The following ASPRV1 variants were observed in gnomAD, a reference collection of about 807,000 sequenced individuals.
ASPRV1 encodes the protein aspartic peptidase retroviral like 1.
In ASPRV1, 7 loss-of-function variants were observed where a neutral mutation model predicts 11.0. That is an observed-to-expected ratio of 0.64 (90% CI 0.36 to 1.20). ASPRV1 has a LOEUF of 1.20. ASPRV1 is among the 50% of genes most tolerant of loss of function. The probability of loss-of-function intolerance (pLI) is 0.02; values close to 1 mark genes in which losing one functional copy is unlikely to be tolerated. For missense variants in ASPRV1, 299 were observed against 320.0 expected, an observed-to-expected ratio of 0.93 and a Z score of 0.50; for synonymous variants, 136 against 138.4, an observed-to-expected ratio of 0.98 and a Z score of 0.12.
the ASPRV1 span, among the ~76,000 whole-genome samples, chr2:69,989,174 T>C: frequency 6.6e-6 from 1 of 152,222 alleles, no homozygotes; most frequent in Non-Finnish European, 1.5e-5. Flanking sequence ...TTTTCAGATT[T>C]CTGGCTCCAT....
At chr2:69,945,275 T>C in the ASPRV1 span, among the ~76,000 whole-genome samples, 1 of 152,206 alleles carries the variant, frequency 6.6e-6, no homozygotes, top group Non-Finnish European at 1.5e-5. Context: ...CCTCGTAATC[T>C]GCACATGCAC....
chr2:70,019,727 T>C, the ASPRV1 span, among the ~76,000 whole-genome samples: 10 of 151,874 alleles, frequency 6.6e-5, no homozygotes, highest in African/African-American at 1.9e-4. Flanking sequence ...CTCATAGAAA[T>C]AGAGAGTAAA....
At chr2:70,048,347 A>G in the ASPRV1 span, among the ~76,000 whole-genome samples, 1 of 151,912 alleles carries the variant, frequency 6.6e-6, no homozygotes, top group Non-Finnish European at 1.5e-5. Context: ...CCCAGGAAGC[A>G]AAGGTTGCAG....
the ASPRV1 span, among the ~76,000 whole-genome samples, chr2:70,000,788 C>CA: frequency 0.023 from 987 of 42,014 alleles, 118 homozygotes; most frequent in Admixed American, 0.15. Context: ...GACCCTGCCT[C>CA]AAAAAAAAAA....
the ASPRV1 span, among the ~76,000 whole-genome samples, chr2:69,935,626 G>A: frequency 3.9e-5 from 6 of 152,110 alleles, no homozygotes; most frequent in African/African-American, 1.2e-4. Context: ...CCAACTGAGT[G>A]TTTCTCACTC....
chr2:70,055,128 C>A, the ASPRV1 span, among the ~76,000 whole-genome samples: 1 of 152,052 alleles, frequency 6.6e-6, no homozygotes, highest in Non-Finnish European at 1.5e-5. Flanking sequence ...CGTGGTGAAA[C>A]CCTGTCTCTA....
chr2:69,937,994 G>A, the ASPRV1 span: 61 of 1,073,746 alleles, frequency 5.7e-5, no homozygotes, highest in East Asian at 1.1e-3. Flanking sequence ...TGATCCACCC[G>A]CCTTTGCCTC....
At chr2:70,078,622 C>T in the ASPRV1 span, among the ~76,000 whole-genome samples, 1 of 152,320 alleles carries the variant, frequency 6.6e-6, no homozygotes, top group East Asian at 1.9e-4. Flanking sequence ...GCCTGGCATG[C>T]TGGAGCAACT....
the ASPRV1 span, chr2:70,046,444 C>T: frequency 3.3e-5 from 5 of 152,168 alleles, no homozygotes; most frequent in African/African-American, 7.2e-5. Context: ...TCTAGGCTTC[C>T]CACATACAGG....
the ASPRV1 span, among the ~76,000 whole-genome samples, chr2:70,035,208 G>A: frequency 2.6e-5 from 4 of 152,146 alleles, no homozygotes; most frequent in Non-Finnish European, 4.4e-5. Context: ...CCACCTCCAT[G>A]AGCCTCCTCA....
chr2:70,086,420 G>A, the ASPRV1 span: 1 of 152,292 alleles, frequency 6.6e-6, no homozygotes, highest in African/African-American at 2.4e-5. Context: ...GGAAAAGGCA[G>A]AAATCACAAC....
chr2:70,060,687 A>G, the ASPRV1 span, among the ~76,000 whole-genome samples: 3 of 152,164 alleles, frequency 2.0e-5, no homozygotes, highest in African/African-American at 7.2e-5. Flanking sequence ...GTGGTGGCAC[A>G]TGCCTGTAAT....
the ASPRV1 span, among the ~76,000 whole-genome samples, chr2:70,006,464 A>G: frequency 1.3e-5 from 2 of 152,130 alleles, no homozygotes; most frequent in African/African-American, 4.8e-5. Flanking sequence ...GGTGGCTTCT[A>G]GCTGGGAGGT....
the ASPRV1 span, among the ~76,000 whole-genome samples, chr2:69,978,689 A>T: frequency 6.6e-6 from 1 of 152,170 alleles, no homozygotes; most frequent in Admixed American, 6.5e-5. Flanking sequence ...CTGGTGAGGC[A>T]GTGACTGGGA....
the ASPRV1 span, among the ~76,000 whole-genome samples, chr2:70,002,528 C>T: frequency 8.5e-5 from 13 of 152,188 alleles, no homozygotes; most frequent in African/African-American, 3.1e-4. Flanking sequence ...ATGTTGTGGG[C>T]TACCTGTCAA....
the ASPRV1 span, among the ~76,000 whole-genome samples, chr2:70,072,499 G>A: frequency 6.6e-6 from 1 of 151,812 alleles, no homozygotes; most frequent in Non-Finnish European, 1.5e-5. Context: ...GAGGCGGGAG[G>A]ATCACTTGAG....
the ASPRV1 span, chr2:70,064,081 C>T: frequency 6.6e-6 from 1 of 152,206 alleles, no homozygotes; most frequent in Admixed American, 6.5e-5. Context: ...ATCCTCAGGA[C>T]ACATGCTCCC....
the ASPRV1 span, among the ~76,000 whole-genome samples, chr2:70,083,987 T>C: frequency 1.3e-5 from 2 of 152,058 alleles, no homozygotes; most frequent in Admixed American, 6.5e-5. Context: ...GGTGTCTGTA[T>C]GACATGTTAC....
the ASPRV1 span, among the ~76,000 whole-genome samples, chr2:69,953,394 C>T: frequency 3.3e-5 from 5 of 152,230 alleles, no homozygotes; most frequent in Admixed American, 2.0e-4. Context: ...GGGTGCCTGG[C>T]GTCCCTAGAG....
Sources: gnomAD v4.1 joint callset for allele counts (sites outside exome capture counted in the v4.1 genomes callset) on GRCh38, gnomAD v4.1.1 for gene constraint, MANE v1.5 for transcripts, NCBI Gene and HGNC (gene_info 2026-07-23, HGNC 2026-07-21) for gene names.